The following ZFR variants were observed in gnomAD, a reference collection of about 807,000 sequenced individuals.
The protein encoded by ZFR is zinc finger RNA-binding protein.
Under a neutral mutation model 130.7 loss-of-function variants are expected in ZFR, and 19 were observed. The observed-to-expected ratio is 0.15, with a 90% CI of 0.10 to 0.21. ZFR has a LOEUF of 0.21. Ranked by LOEUF, ZFR falls within the 10% of genes least tolerant of loss-of-function variation. The probability of loss-of-function intolerance (pLI) is 1.00; values close to 1 mark genes in which losing one functional copy is unlikely to be tolerated. For missense variants in ZFR, 872 were observed against 1,321.5 expected (o/e 0.66, Z 5.27); for synonymous variants, 466 against 456.9 (o/e 1.02, Z -0.25).
intron 2 of ZFR, among the ~76,000 whole-genome samples, chr5:32,422,212 C>T (rs538463325): frequency 2.5e-4 from 38 of 152,052 alleles, no homozygotes; most frequent in Non-Finnish European, 5.1e-4. Flanking sequence ...TTAACTTATA[C>T]TGCCTCTGAT....
chr5:32,430,711 C>T (rs1391673301), intron 2 of ZFR, among the ~76,000 whole-genome samples: 2 of 151,942 alleles, frequency 1.3e-5, no homozygotes, highest in Non-Finnish European at 2.9e-5. Flanking sequence ...AAAAAACTGC[C>T]TACAGAGATT....
chr5:32,433,702 T>A (rs953769650), intron 2 of ZFR, among the ~76,000 whole-genome samples: 1 of 152,236 alleles, frequency 6.6e-6, no homozygotes, highest in Non-Finnish European at 1.5e-5. Context: ...TTTTTTCCAA[T>A]CACTTTTATA....
intron 5 of ZFR, among the ~76,000 whole-genome samples, chr5:32,410,283 C>CCAA (rs1753673760): frequency 8.8e-6 from 1 of 113,114 alleles, no homozygotes; most frequent in Non-Finnish European, 1.8e-5. Context: ...ACACTGTCTC[C>CCAA]AAAAAAAAAA....
chr5:32,362,677 A>G (rs1418762948), intron 19 of ZFR, among the ~76,000 whole-genome samples: 2 of 152,168 alleles, frequency 1.3e-5, no homozygotes, highest in Non-Finnish European at 2.9e-5. Context: ...AGGAAACACT[A>G]ATCTGTTTTC....
At position 32,417,591 on chromosome 5, in the gene ZFR, A is replaced by G. The variant is rs571766718; in HGVS notation, c.565+57T>C. 1.4e-5 allele frequency: 23 copies of G among 1,597,466 alleles called. No individual in the cohort carries two copies. The South Asian group carries it at 2.3e-4, about 16-fold the overall frequency. ...TCAAAAGCTTATCTTCATTAAACGC[A>G]GTAAGTCATATACTTCAATAGTTTA... On this transcript the variant is annotated intron_variant, in intron 4 of 19. Coordinates refer to ENST00000265069, the MANE Select transcript of ZFR (RefSeq NM_016107.5).
chr5:32,416,620 A>AAAAAT lies in ZFR; in HGVS notation c.565+1027_565+1028insATTTT, dbSNP rs1189482745. The stretch of plus-strand genomic sequence containing the variant: ...CAAGAGTGAAACTCCGTCTCAAAAA[A>AAAAAT]AAAAAAAAGAGAAGAGACCACAGGA... On this transcript the variant is annotated intron_variant, in intron 4 of 19. Coordinates refer to ENST00000265069, the MANE Select transcript of ZFR (RefSeq NM_016107.5). Among the ~76,000 whole-genome samples the AAAAAT allele has an allele frequency of 3.6e-3, 547 of 151,906 alleles. 8 individuals carry two copies. Among genetic ancestry groups the AAAAAT allele is most frequent in the African/African-American group, 0.012 (477 of 41,420 alleles).
chr5:32,369,155 T>C (rs1752607027), intron 17 of ZFR, among the ~76,000 whole-genome samples: 1 of 152,202 alleles, frequency 6.6e-6, no homozygotes, highest in Non-Finnish European at 1.5e-5. Flanking sequence ...TAGATGATTT[T>C]TGTTAAGGGG....
intron 17 of ZFR, among the ~76,000 whole-genome samples, chr5:32,375,293 A>C (rs891635737): frequency 1.1e-4 from 16 of 152,258 alleles, no homozygotes; most frequent in African/African-American, 3.9e-4. Context: ...AAAAAGATTG[A>C]TAATTCAACA....
chr5:32,385,692 T>C (rs889444608), intron 14 of ZFR, 43 bp from the exon 15 acceptor site: 1 of 1,604,472 alleles, frequency 6.2e-7, no homozygotes, highest in South Asian at 1.1e-5. Flanking sequence ...ATCTGTTGTA[T>C]TAACAAACAA....
intron 17 of ZFR, among the ~76,000 whole-genome samples, chr5:32,376,873 G>A (rs1261971908): frequency 6.6e-6 from 1 of 151,502 alleles, no homozygotes; most frequent in Non-Finnish European, 1.5e-5. Context: ...CAGCTACTTG[G>A]AAAACGGAGG....
intron 5 of ZFR, among the ~76,000 whole-genome samples, chr5:32,412,912 C>T (rs866660407): frequency 6.6e-5 from 10 of 152,086 alleles, no homozygotes; most frequent in Admixed American, 2.0e-4. Flanking sequence ...GGGGCGGGCA[C>T]GGTGGCTCAT....
In ZFR at chr5:32,404,053, T is replaced by C. The variant is rs776595314; in HGVS notation, c.1077A>G (p.Glu359=). 6.2e-7 allele frequency: 1 copy of C among 1,612,548 alleles called. No homozygotes were observed. Among genetic ancestry groups the C allele is most frequent in the South Asian group, 1.1e-5 (1 of 90,716 alleles). Residue 359 remains glutamate, a synonymous_variant, in exon 7 of 20, where the codon GAA becomes GAG. Transcript: ENST00000265069. The part of the protein sequence containing the change: ...HLEGQKHKKK[E]AALKASQNTS... ...TATTTTGTGAGGCTTTCAATGCAGC[T>C]TCTTTTTTTTTATGTTTCTGTCCTT...
At chr5:32,442,984 T>TAGA (rs1561935425) in intron 2 of ZFR, among the ~76,000 whole-genome samples, 7 of 152,006 alleles carry the variant, frequency 4.6e-5, no homozygotes, top group Non-Finnish European at 1.0e-4. Context: ...GGCAGGACTC[T>TAGA]GCCCAGGAGT....
At chr5:32,413,783 G>C (rs1436157618) in intron 5 of ZFR, among the ~76,000 whole-genome samples, 1 of 152,182 alleles carries the variant, frequency 6.6e-6, no homozygotes, top group Non-Finnish European at 1.5e-5. Flanking sequence ...TTAAATGACA[G>C]ATCTAGGAAT....
At chr5:32,387,816 G>T in intron 13 of ZFR, 117 bp from the exon 14 acceptor site, 1 of 957,642 alleles carries the variant, frequency 1.0e-6, no homozygotes, top group Non-Finnish European at 1.5e-6. Flanking sequence ...TCCATCAACC[G>T]CAGTAGAAAG....
chr5:32,415,530 G>GTGCGCGCA (rs1554073641), intron 4 of ZFR, among the ~76,000 whole-genome samples: 14 of 151,242 alleles, frequency 9.3e-5, no homozygotes, highest in Admixed American at 6.6e-4. Flanking sequence ...GCGCGCGCGC[G>GTGCGCGCA]CGCACTAGTC....
chr5:32,389,127 A>G (rs1347745779), intron 12 of ZFR, among the ~76,000 whole-genome samples: 1 of 152,210 alleles, frequency 6.6e-6, no homozygotes, highest in African/African-American at 2.4e-5. Flanking sequence ...CTGAACTTAC[A>G]CAAGATGTCC....
intron 19 of ZFR, among the ~76,000 whole-genome samples, chr5:32,362,423 G>A (rs566052091): frequency 6.6e-6 from 1 of 152,264 alleles, no homozygotes; most frequent in South Asian, 2.1e-4. Flanking sequence ...AAGGAAGAGG[G>A]ACATTAACAT....
chr5:32,434,398 T>C (rs1485811020), intron 2 of ZFR, among the ~76,000 whole-genome samples: 1 of 152,232 alleles, frequency 6.6e-6, no homozygotes, highest in Non-Finnish European at 1.5e-5. Context: ...TTTTCCTGTG[T>C]CAACTTTCTT....
Sources: gnomAD v4.1 joint callset for allele counts (sites outside exome capture counted in the v4.1 genomes callset) on GRCh38, gnomAD v4.1.1 for gene constraint, MANE v1.5 for transcripts, NCBI Gene and HGNC (gene_info 2026-07-23, HGNC 2026-07-21) for gene names.